DNAH7: variants seen among roughly 807,000 people sequenced by gnomAD.
The protein encoded by DNAH7 is axonemal beta dynein heavy chain 7.
DNAH7 carries 397 observed loss-of-function variants against 444.6 expected under a neutral mutation model. That is an observed-to-expected ratio of 0.89 (90% confidence interval 0.82 to 0.97). The LOEUF (loss-of-function observed/expected upper bound fraction) is 0.97, where lower values mean the gene tolerates loss of function less well. DNAH7 is among the 50% of genes least tolerant of loss of function. DNAH7 has a pLI of 0.00. For synonymous variants in DNAH7, 1,636 were observed against 1,624.4 expected, an observed-to-expected ratio of 1.01 and a Z score of -0.17; for missense variants, 4,902 against 4,800.8, an observed-to-expected ratio of 1.02 and a Z score of -0.62.
chr2:195,775,842 A>T lies in DNAH7; in HGVS notation c.11202+4T>A, dbSNP rs1244644123. On this transcript the variant is annotated splice_donor_region_variant and intron_variant, in intron 60 of 64. Transcript: ENST00000312428. The stretch of plus-strand genomic sequence containing the variant: ...AGAATCCAGGTCCTATACAGATCAC[A>T]CACCTGTGTAAGAAGAATGTTATCA... 6.2e-7 allele frequency: 1 copy of T among 1,613,644 alleles called. No individual in the cohort carries two copies. Among genetic ancestry groups the T allele is most frequent in the African/African-American group, 1.3e-5 (1 of 74,928 alleles).
At chr2:195,897,131 A>G (rs764021709) in intron 29 of DNAH7, among the ~76,000 whole-genome samples, 2 of 152,164 alleles carry the variant, frequency 1.3e-5, no homozygotes, top group African/African-American at 2.4e-5. Flanking sequence ...AATGACACCA[A>G]AGGATATTAT....
intron 48 of DNAH7, among the ~76,000 whole-genome samples, chr2:195,826,570 T>C (rs1697763482): frequency 6.6e-6 from 1 of 152,236 alleles, no homozygotes; most frequent in Non-Finnish European, 1.5e-5. Context: ...TATTATTTGA[T>C]AGATAAAAAA....
chr2:195,753,547 T>C (rs1397883398), intron 63 of DNAH7, among the ~76,000 whole-genome samples: 4 of 152,176 alleles, frequency 2.6e-5, no homozygotes, highest in African/African-American at 9.6e-5. Flanking sequence ...AGCCAGTGAA[T>C]TCATCATTCA....
intron 1 of DNAH7, among the ~76,000 whole-genome samples, chr2:196,067,766 A>G (rs1485565940): frequency 6.6e-6 from 1 of 152,254 alleles, no homozygotes; most frequent in Non-Finnish European, 1.5e-5. Flanking sequence ...GCAATAAAAA[A>G]GAAATAATTA....
At chr2:195,869,483 A>G (rs1403578714) in intron 40 of DNAH7, among the ~76,000 whole-genome samples, 1 of 152,152 alleles carries the variant, frequency 6.6e-6, no homozygotes, top group Non-Finnish European at 1.5e-5. Context: ...AATGAATTCT[A>G]CAACATGTTG....
chr2:195,770,723 ATTTG>A (rs891334625), intron 61 of DNAH7, among the ~76,000 whole-genome samples: 65 of 152,040 alleles, frequency 4.3e-4, no homozygotes, highest in African/African-American at 1.5e-3. Context: ...ATTTGTATGT[ATTTG>A]TTTATTTTTA....
intron 2 of DNAH7, among the ~76,000 whole-genome samples, chr2:196,056,243 G>C (rs572342108): frequency 4.3e-4 from 65 of 151,972 alleles, no homozygotes; most frequent in African/African-American, 1.5e-3. Context: ...TCAGGGGTTC[G>C]AGACCAGCCT....
At chr2:196,013,032 A>T (rs1178637430) in intron 9 of DNAH7, 126 bp from the exon 10 acceptor site, 2 of 616,328 alleles carry the variant, frequency 3.2e-6, no homozygotes, top group Non-Finnish European at 5.0e-6. Flanking sequence ...TGTTCTATAT[A>T]ATTAAATGTT....
chr2:195,902,375 C>T (rs569951457), intron 27 of DNAH7: 1 of 151,648 alleles, frequency 6.6e-6, no homozygotes, highest in African/African-American at 2.4e-5. Flanking sequence ...GTGTTCTAAC[C>T]ACTACACACA....
chr2:195,762,157 C>T (rs1462496786), intron 61 of DNAH7, among the ~76,000 whole-genome samples: 2 of 151,986 alleles, frequency 1.3e-5, no homozygotes, highest in Non-Finnish European at 2.9e-5. Flanking sequence ...TTTATGCAAT[C>T]GGTTTTAAAT....
At chr2:195,927,531 A>G (rs890847046) in intron 21 of DNAH7, among the ~76,000 whole-genome samples, 2 of 151,904 alleles carry the variant, frequency 1.3e-5, no homozygotes, top group African/African-American at 4.8e-5. Flanking sequence ...AAATAAATTA[A>G]TTAATTAATT....
intron 49 of DNAH7, among the ~76,000 whole-genome samples, chr2:195,818,184 A>G (rs1697308849): frequency 6.6e-6 from 1 of 152,204 alleles, no homozygotes. Context: ...GGTATAATAT[A>G]TGGTTCAAAG....
At chr2:195,966,691 G>A (rs758295244) in intron 17 of DNAH7, among the ~76,000 whole-genome samples, 9 of 152,006 alleles carry the variant, frequency 5.9e-5, no homozygotes, top group East Asian at 1.9e-4. Flanking sequence ...TCCTTGTATC[G>A]TTATATAATA....
intron 10 of DNAH7, among the ~76,000 whole-genome samples, chr2:196,011,983 T>C (rs934872401): frequency 6.6e-6 from 1 of 152,142 alleles, no homozygotes; most frequent in Non-Finnish European, 1.5e-5. Context: ...TAAATACTAA[T>C]ATAAAATAAA....
chr2:195,846,856 C>G (rs1301858944), intron 46 of DNAH7, among the ~76,000 whole-genome samples: 2 of 151,994 alleles, frequency 1.3e-5, no homozygotes, highest in South Asian at 2.1e-4. Context: ...AGCTTTGGAA[C>G]TCAGACTGGC....
chr2:195,838,858 A>C (rs1352371453), intron 47 of DNAH7, among the ~76,000 whole-genome samples: 3 of 151,980 alleles, frequency 2.0e-5, no homozygotes, highest in Admixed American at 2.0e-4. Context: ...ATATGCAACA[A>C]CAAAAGGGTC....
chr2:195,988,513 T>G (rs944518973), intron 12 of DNAH7, among the ~76,000 whole-genome samples: 4 of 152,068 alleles, frequency 2.6e-5, no homozygotes, highest in African/African-American at 9.7e-5. Context: ...AAATAATATT[T>G]AGAATAAAAA....
At chr2:195,886,330 G>A in intron 33 of DNAH7, 58 bp from the exon 34 acceptor site, 2 of 1,474,596 alleles carry the variant, frequency 1.4e-6, no homozygotes, top group Non-Finnish European at 1.9e-6. Context: ...AGCTAAAATA[G>A]CCCCAGCTAA....
chr2:195,790,561 G>A (rs371699502), intron 57 of DNAH7, among the ~76,000 whole-genome samples: 1 of 151,812 alleles, frequency 6.6e-6, no homozygotes, highest in Non-Finnish European at 1.5e-5. Flanking sequence ...TCTGCTCTTT[G>A]ACAAAGTTGA....
Sources: allele counts gnomAD v4.1 joint callset (sites outside exome capture counted in the v4.1 genomes callset), GRCh38; gene constraint gnomAD v4.1.1; transcripts MANE v1.5; gene names NCBI Gene and HGNC (gene_info 2026-07-23, HGNC 2026-07-21).